The following CLYBL variants were observed in gnomAD, a reference collection of about 807,000 sequenced individuals.
The protein encoded by CLYBL is citramalyl-CoA lyase, mitochondrial.
CLYBL carries 31 observed loss-of-function variants against 38.9 expected under a neutral mutation model. The observed-to-expected ratio is 0.80, with a 90% CI of 0.60 to 1.08. The LOEUF (loss-of-function observed/expected upper bound fraction) is 1.08. Among genes scored for constraint, CLYBL ranks in the 50% least tolerant of loss-of-function variants. The pLI, the probability that CLYBL is intolerant of heterozygous loss-of-function variation, is 0.00. For missense variants in CLYBL, 434 were observed against 411.6 expected (o/e 1.05, Z -0.47); for synonymous variants, 171 against 158.6 (o/e 1.08, Z -0.59).
At chr13:99,880,069 T>TATATATATATA (rs376889710) in intron 7 of CLYBL, among the ~76,000 whole-genome samples, 675 of 57,576 alleles carry the variant, frequency 0.012, 3 homozygotes, top group Non-Finnish European at 0.014. Context: ...TATATATATA[T>TATATATATATA]TTTTTTTTTT....
intron 1 of CLYBL, among the ~76,000 whole-genome samples, chr13:99,671,921 C>G (rs1251439598): frequency 2.6e-5 from 4 of 152,320 alleles, no homozygotes; most frequent in African/African-American, 9.6e-5. Flanking sequence ...ACCTCCCTCC[C>G]AAGCACACAG....
intron 1 of CLYBL, among the ~76,000 whole-genome samples, chr13:99,728,452 G>A (rs1017039649): frequency 6.6e-6 from 1 of 151,564 alleles, no homozygotes; most frequent in Non-Finnish European, 1.5e-5. Context: ...CTAATTTTTT[G>A]TATTTTTAGT....
chr13:99,770,802 A>T (rs898277358), intron 1 of CLYBL, among the ~76,000 whole-genome samples: 1 of 151,692 alleles, frequency 6.6e-6, no homozygotes, highest in South Asian at 2.1e-4. Flanking sequence ...GCTCACTGCA[A>T]TCTCCACCTC....
intron 1 of CLYBL, among the ~76,000 whole-genome samples, chr13:99,729,842 A>T (rs1285075145): frequency 6.6e-6 from 1 of 152,196 alleles, no homozygotes. Flanking sequence ...GCCCTGTGGC[A>T]GTGGGGCCCT....
At chr13:99,823,946 T>C (rs531464119) in intron 2 of CLYBL, among the ~76,000 whole-genome samples, 4 of 152,246 alleles carry the variant, frequency 2.6e-5, no homozygotes, top group Non-Finnish European at 5.9e-5. Flanking sequence ...TTTTGCTTAT[T>C]GGATCTCATG....
intron 1 of CLYBL, among the ~76,000 whole-genome samples, chr13:99,718,505 T>C (rs1443627381): frequency 1.3e-5 from 2 of 152,238 alleles, no homozygotes; most frequent in Admixed American, 1.3e-4. Context: ...GCCTTCAGCT[T>C]GAAGTAACCA....
intron 7 of CLYBL, among the ~76,000 whole-genome samples, chr13:99,881,474 G>C (rs748900592): frequency 3.3e-5 from 5 of 152,274 alleles, no homozygotes; most frequent in Middle Eastern, 3.4e-3. Flanking sequence ...TGTTGCTGGA[G>C]TGCAGTGGCA....
intron 2 of CLYBL, among the ~76,000 whole-genome samples, chr13:99,781,296 A>G (rs1196594838): frequency 6.6e-6 from 1 of 151,176 alleles, no homozygotes; most frequent in African/African-American, 2.4e-5. Context: ...TCAGCCTCCC[A>G]AGTAGCTGGG....
intron 1 of CLYBL, among the ~76,000 whole-genome samples, chr13:99,739,238 T>G (rs1359912472): frequency 6.6e-6 from 1 of 152,204 alleles, no homozygotes; most frequent in Non-Finnish European, 1.5e-5. Context: ...TAAAAGGGAT[T>G]GCATTTTCAA....
chr13:99,842,281 G>A (rs1029016071), intron 2 of CLYBL, among the ~76,000 whole-genome samples: 10 of 152,204 alleles, frequency 6.6e-5, no homozygotes, highest in Admixed American at 3.9e-4. Context: ...CAAGGATAAG[G>A]ATGTTCCTTT....
intron 2 of CLYBL, among the ~76,000 whole-genome samples, chr13:99,811,973 G>A (rs1237596727): frequency 6.6e-6 from 1 of 152,168 alleles, no homozygotes; most frequent in Admixed American, 6.5e-5. Flanking sequence ...GAAGAGAGTA[G>A]CATGAATCCA....
At chr13:99,753,810 C>G (rs1462749680) in intron 1 of CLYBL, among the ~76,000 whole-genome samples, 2 of 152,024 alleles carry the variant, frequency 1.3e-5, no homozygotes, top group Admixed American at 1.3e-4. Flanking sequence ...TGACATTGGC[C>G]GGGCGCGGTG....
chr13:99,905,539 C>T (rs1255945042), intron 9 of CLYBL, among the ~76,000 whole-genome samples: 1 of 152,146 alleles, frequency 6.6e-6, no homozygotes, highest in Non-Finnish European at 1.5e-5. Flanking sequence ...GTCCACCCTC[C>T]CCCACCTCCA....
chr13:99,630,580 C>G (rs1031813606), intron 1 of CLYBL, among the ~76,000 whole-genome samples: 10 of 152,124 alleles, frequency 6.6e-5, no homozygotes, highest in Non-Finnish European at 1.2e-4. Context: ...GAAATCTTAC[C>G]TAGTATAAAG....
At chr13:99,835,203 C>T (rs969286836) in intron 2 of CLYBL, among the ~76,000 whole-genome samples, 1 of 152,234 alleles carries the variant, frequency 6.6e-6, no homozygotes, top group African/African-American at 2.4e-5. Flanking sequence ...AGCGTGCAGG[C>T]TAAGCTGCTA....
chr13:99,709,105 G>GA (rs1194075820), intron 1 of CLYBL, among the ~76,000 whole-genome samples: 1 of 151,224 alleles, frequency 6.6e-6, no homozygotes, highest in East Asian at 1.9e-4. Context: ...AAAAAAGAAA[G>GA]AAAAAAAAGG....
At chr13:99,722,945 G>A (rs2048416346) in intron 1 of CLYBL, among the ~76,000 whole-genome samples, 1 of 152,256 alleles carries the variant, frequency 6.6e-6, no homozygotes, top group Admixed American at 6.5e-5. Context: ...CCTTTGATGA[G>A]ATATAGCCGC....
At chr13:99,723,951 C>T (rs995617758) in intron 1 of CLYBL, among the ~76,000 whole-genome samples, 1 of 150,332 alleles carries the variant, frequency 6.7e-6, no homozygotes, top group African/African-American at 2.5e-5. Flanking sequence ...AATTCTCCTC[C>T]GTGTCACTTG....
chr13:99,629,169 C>T (rs970535099), intron 1 of CLYBL, among the ~76,000 whole-genome samples: 1 of 152,150 alleles, frequency 6.6e-6, no homozygotes, highest in Non-Finnish European at 1.5e-5. Flanking sequence ...GTGGGGACAG[C>T]GTCCAGGTTC....
Sources: gnomAD v4.1 joint callset for allele counts (sites outside exome capture counted in the v4.1 genomes callset) on GRCh38, gnomAD v4.1.1 for gene constraint, MANE v1.5 for transcripts, NCBI Gene and HGNC (gene_info 2026-07-23, HGNC 2026-07-21) for gene names.